NTM: variants seen among roughly 807,000 people sequenced by gnomAD.
The protein encoded by NTM is IgLON family member 2.
In NTM, 13 loss-of-function variants were observed where a neutral mutation model predicts 42.1. That is an observed-to-expected ratio of 0.31 (90% CI 0.20 to 0.49). The LOEUF (loss-of-function observed/expected upper bound fraction) is 0.49. Ranked by LOEUF, NTM falls within the 20% of genes least tolerant of loss-of-function variation. The pLI, the probability that NTM is intolerant of heterozygous loss-of-function variation, is 0.99. For missense variants in NTM, 373 were observed against 452.8 expected (o/e 0.82, Z 1.60); for synonymous variants, 187 against 179.2 (o/e 1.04, Z -0.35).
chr11:132,199,669 GGT>G (rs936003640), intron 3 of NTM, among the ~76,000 whole-genome samples: 1 of 151,072 alleles, frequency 6.6e-6, no homozygotes, highest in African/African-American at 2.4e-5. Context: ...GCTGGGAACT[GGT>G]GAGCGAGAAA....
intron 3 of NTM, among the ~76,000 whole-genome samples, chr11:132,162,812 G>A (rs2074611993): frequency 1.3e-5 from 2 of 151,550 alleles, no homozygotes; most frequent in South Asian, 4.2e-4. Flanking sequence ...TATAGGGAGT[G>A]TGTATGTGAT....
At chr11:131,924,661 C>A (rs903799693) in intron 2 of NTM, among the ~76,000 whole-genome samples, 3 of 151,926 alleles carry the variant, frequency 2.0e-5, no homozygotes, top group Non-Finnish European at 4.4e-5. Context: ...TCCTGTTTGG[C>A]GAGCTCCATC....
chr11:131,660,321 A>T (rs1287176771), intron 1 of NTM: 1 of 363,784 alleles, frequency 2.7e-6, no homozygotes, highest in Non-Finnish European at 5.5e-6. Flanking sequence ...ATGCTGCAGG[A>T]TGAAGAGGGG....
At chr11:131,880,679 G>A (rs775322392) in intron 1 of NTM, among the ~76,000 whole-genome samples, 1 of 152,166 alleles carries the variant, frequency 6.6e-6, no homozygotes, top group Non-Finnish European at 1.5e-5. Flanking sequence ...TATATTCTTA[G>A]GATGACATAT....
At chr11:131,705,598 C>T (rs1400856375) in intron 1 of NTM, among the ~76,000 whole-genome samples, 3 of 151,976 alleles carry the variant, frequency 2.0e-5, no homozygotes, top group African/African-American at 7.2e-5. Context: ...TCTAATTCTG[C>T]TATAGAAGTT....
intron 1 of NTM, among the ~76,000 whole-genome samples, chr11:131,612,164 T>C (rs969605090): frequency 2.0e-5 from 3 of 152,194 alleles, no homozygotes; most frequent in African/African-American, 4.8e-5. Context: ...TTGCCAGCCA[T>C]GTACATGGGC....
intron 1 of NTM, among the ~76,000 whole-genome samples, chr11:131,807,871 T>C (rs1358964335): frequency 6.6e-6 from 1 of 152,180 alleles, no homozygotes; most frequent in African/African-American, 2.4e-5. Context: ...CTTCAGATAG[T>C]TTGTGTTGAT....
At chr11:131,585,087 A>G (rs1258193963) in intron 1 of NTM, among the ~76,000 whole-genome samples, 1 of 152,178 alleles carries the variant, frequency 6.6e-6, no homozygotes, top group Non-Finnish European at 1.5e-5. Context: ...TCTTTGGGCT[A>G]TTGGACGGAT....
rs546150941 is a variant in NTM at position 131,663,791 on chromosome 11, T to TAC, written c.83-247759_83-247758dup. On this transcript the variant is annotated intron_variant, in intron 1 of 8. Transcript: ENST00000683400. Reference sequence around the variant, plus strand: ...AAGTGTCAGACGTCTTACTAAACAATACACACACACACACAGAGATTTCTT... The same window carrying TAC: ...AAGTGTCAGACGTCTTACTAAACAATACACACACACACACACAGAGATTTCTT... 9.1e-3 allele frequency among the ~76,000 whole-genome samples: 1,387 copies of TAC among 151,786 alleles called. 13 individuals are homozygous for TAC. The highest frequency in any genetic ancestry group is 0.024 in the African/African-American group (1,004 of 41,434).
intron 7 of NTM, chr11:132,314,936 A>G: frequency 7.7e-7 from 1 of 1,291,200 alleles, no homozygotes; most frequent in Non-Finnish European, 9.8e-7. Context: ...ATGTATACAA[A>G]GTAGTATATG....
At chr11:131,473,087 A>G (rs902721098) in intron 1 of NTM, among the ~76,000 whole-genome samples, 10 of 152,320 alleles carry the variant, frequency 6.6e-5, no homozygotes, top group Admixed American at 2.6e-4. Flanking sequence ...TGTTCAGAAT[A>G]TTTTATAAAT....
intron 4 of NTM, among the ~76,000 whole-genome samples, chr11:132,276,312 G>C (rs3133879): frequency 0.64 from 97,357 of 151,918 alleles, 31,977 homozygotes; most frequent in Middle Eastern, 0.79. Context: ...TGAGAGTGCA[G>C]ATATCTCTTT....
chr11:132,156,674 A>C, intron 3 of NTM, among the ~76,000 whole-genome samples: 1 of 148,634 alleles, frequency 6.7e-6, no homozygotes, highest in East Asian at 1.9e-4. Context: ...TATAATTATT[A>C]AACAAAATGA....
intron 1 of NTM, among the ~76,000 whole-genome samples, chr11:131,538,868 A>C (rs1482269447): frequency 6.7e-6 from 1 of 150,100 alleles, no homozygotes; most frequent in Non-Finnish European, 1.5e-5. Flanking sequence ...GTAAATTTCA[A>C]ATGTTCTCAC....
intron 7 of NTM, chr11:132,317,505 T>C (rs2095461294): frequency 3.0e-6 from 1 of 338,638 alleles, no homozygotes; most frequent in African/African-American, 2.1e-5. Context: ...TCCTACGCCT[T>C]TGGTTTCTGT....
intron 1 of NTM, among the ~76,000 whole-genome samples, chr11:131,758,206 A>C (rs536237359): frequency 2.0e-5 from 3 of 152,180 alleles, no homozygotes; most frequent in African/African-American, 7.2e-5. Flanking sequence ...GCTACAAATC[A>C]TACCATTCTT....
At chr11:131,864,293 T>C (rs2046924704) in intron 1 of NTM, among the ~76,000 whole-genome samples, 1 of 152,122 alleles carries the variant, frequency 6.6e-6, no homozygotes, top group African/African-American at 2.4e-5. Context: ...GAGCGACTCC[T>C]TTGCTTAATG....
intron 1 of NTM, among the ~76,000 whole-genome samples, chr11:131,876,821 T>C (rs74335083): frequency 0.021 from 3,259 of 152,148 alleles, 121 homozygotes; most frequent in African/African-American, 0.074. Context: ...TAAAGTACTA[T>C]ATGAGGAGAA....
intron 3 of NTM, among the ~76,000 whole-genome samples, chr11:132,209,742 C>G (rs1421581558): frequency 2.6e-5 from 4 of 152,150 alleles, no homozygotes; most frequent in Admixed American, 2.6e-4. Flanking sequence ...GTAATTCTCT[C>G]AGGCCTTGAA....
Sources: gnomAD v4.1 joint callset for allele counts (sites outside exome capture counted in the v4.1 genomes callset) on GRCh38, gnomAD v4.1.1 for gene constraint, MANE v1.5 for transcripts, NCBI Gene and HGNC (gene_info 2026-07-23, HGNC 2026-07-21) for gene names.